ANGPT1: variants seen among roughly 807,000 people sequenced by gnomAD.
ANGPT1 encodes the protein angiopoietin 1.
Under a neutral mutation model 62.2 loss-of-function variants are expected in ANGPT1, and 17 were observed. The ratio of observed to expected loss-of-function variants is 0.27; its 90% confidence interval spans 0.19 to 0.41. ANGPT1 has a LOEUF of 0.41. Among genes scored for constraint, ANGPT1 ranks in the 10% least tolerant of loss-of-function variants. The pLI, the probability that ANGPT1 is intolerant of heterozygous loss-of-function variation, is 1.00. For missense variants in ANGPT1, 478 were observed against 594.9 expected, an observed-to-expected ratio of 0.80 and a Z score of 2.04; for synonymous variants, 199 against 198.9, an observed-to-expected ratio of 1.00 and a Z score of 0.00.
intron 5 of ANGPT1, among the ~76,000 whole-genome samples, chr8:107,301,182 C>T (rs1185055386): frequency 1.3e-5 from 2 of 151,910 alleles, no homozygotes; most frequent in African/African-American, 2.4e-5. Flanking sequence ...TGTGAATATT[C>T]TTGATCTGAA....
intron 1 of ANGPT1, among the ~76,000 whole-genome samples, chr8:107,406,594 A>G (rs1467184415): frequency 6.6e-6 from 1 of 152,066 alleles, no homozygotes; most frequent in East Asian, 1.9e-4. Context: ...TGAATAAAAT[A>G]TAAGTATGTA....
chr8:107,398,021 G>A (rs1404269784), intron 1 of ANGPT1, among the ~76,000 whole-genome samples: 1 of 152,166 alleles, frequency 6.6e-6, no homozygotes, highest in Non-Finnish European at 1.5e-5. Flanking sequence ...GTATCATGAT[G>A]CAGACAGATT....
intron 1 of ANGPT1, among the ~76,000 whole-genome samples, chr8:107,405,409 C>T (rs1258542679): frequency 2.0e-5 from 3 of 151,916 alleles, no homozygotes; most frequent in Admixed American, 2.0e-4. Context: ...TGAAATGCTT[C>T]AAAATCTGAA....
chr8:107,305,606 T>C (rs1563560174), intron 4 of ANGPT1, among the ~76,000 whole-genome samples: 1 of 152,026 alleles, frequency 6.6e-6, no homozygotes, highest in Non-Finnish European at 1.5e-5. Context: ...ATACAAATTC[T>C]ATACTTGGGA....
At chr8:107,447,488 G>A (rs1811652305) in intron 1 of ANGPT1, among the ~76,000 whole-genome samples, 1 of 152,192 alleles carries the variant, frequency 6.6e-6, no homozygotes, top group Admixed American at 6.5e-5. Context: ...GGAATGGGTG[G>A]AAATGATCTT....
chr8:107,289,574 A>G (rs929197441), intron 6 of ANGPT1, among the ~76,000 whole-genome samples: 5 of 152,186 alleles, frequency 3.3e-5, no homozygotes, highest in Non-Finnish European at 7.4e-5. Context: ...TGAGACGTGC[A>G]ACTCAAGAAA....
chr8:107,365,727 A>G (rs1816258633), intron 1 of ANGPT1, among the ~76,000 whole-genome samples: 1 of 152,168 alleles, frequency 6.6e-6, no homozygotes, highest in Middle Eastern at 3.2e-3. Context: ...CTAGAAGAGA[A>G]TAAGATTGGT....
At chr8:107,481,793 A>G (rs867174935) in intron 1 of ANGPT1, among the ~76,000 whole-genome samples, 1 of 152,112 alleles carries the variant, frequency 6.6e-6, no homozygotes, top group Non-Finnish European at 1.5e-5. Flanking sequence ...TAAAACCATC[A>G]GATTCCGTGA....
At chr8:107,421,935 C>A (rs763095526) in intron 1 of ANGPT1, among the ~76,000 whole-genome samples, 2 of 152,072 alleles carry the variant, frequency 1.3e-5, no homozygotes, top group Non-Finnish European at 2.9e-5. Flanking sequence ...GTAATGACTT[C>A]TATTCATTGT....
intron 1 of ANGPT1, among the ~76,000 whole-genome samples, chr8:107,429,940 G>A (rs1811137799): frequency 8.4e-6 from 1 of 119,758 alleles, no homozygotes; most frequent in Admixed American, 8.8e-5. Context: ...GTCAATAAAT[G>A]GGTAACATTT....
chr8:107,346,180 G>A (rs1815800212), intron 2 of ANGPT1, among the ~76,000 whole-genome samples: 1 of 152,116 alleles, frequency 6.6e-6, no homozygotes, highest in South Asian at 2.1e-4. Flanking sequence ...AAATCATGTT[G>A]CACCTTATTT....
intron 4 of ANGPT1, among the ~76,000 whole-genome samples, chr8:107,311,262 T>C (rs956470661): frequency 6.7e-6 from 1 of 149,962 alleles, no homozygotes; most frequent in African/African-American, 2.5e-5. Context: ...GGGGGCATGC[T>C]ATATACTTTT....
chr8:107,403,374 G>A (rs913593495), intron 1 of ANGPT1, among the ~76,000 whole-genome samples: 2 of 152,074 alleles, frequency 1.3e-5, no homozygotes, highest in Admixed American at 6.6e-5. Context: ...AACTGAGAAC[G>A]TGAATAACTG....
chr8:107,471,917 T>A (rs1374731355), intron 1 of ANGPT1, among the ~76,000 whole-genome samples: 1 of 152,090 alleles, frequency 6.6e-6, no homozygotes. Flanking sequence ...ATTTATTAAC[T>A]AATAGCTATA....
At chr8:107,292,986 T>C (rs1271656867) in intron 6 of ANGPT1, among the ~76,000 whole-genome samples, 1 of 152,192 alleles carries the variant, frequency 6.6e-6, no homozygotes, top group Non-Finnish European at 1.5e-5. Context: ...TTCTCCTGCA[T>C]TACTATGCCT....
intron 1 of ANGPT1, among the ~76,000 whole-genome samples, chr8:107,404,873 G>C (rs964665218): frequency 1.3e-5 from 2 of 152,064 alleles, no homozygotes; most frequent in Non-Finnish European, 2.9e-5. Context: ...AGCAAACGTG[G>C]AGGGAAATCA....
chr8:107,407,508 T>C (rs1817173934), intron 1 of ANGPT1, among the ~76,000 whole-genome samples: 1 of 152,172 alleles, frequency 6.6e-6, no homozygotes, highest in Non-Finnish European at 1.5e-5. Flanking sequence ...CTTTAGTGTC[T>C]TGAGAATCTG....
intron 1 of ANGPT1, among the ~76,000 whole-genome samples, chr8:107,369,421 C>T (rs138615122): frequency 6.6e-6 from 1 of 152,038 alleles, no homozygotes; most frequent in African/African-American, 2.4e-5. Flanking sequence ...TAGTAATAAG[C>T]CTATTTTGTT....
chr8:107,387,617 GATTGTGAATAATTGACACTAAC>G (rs143925912), intron 1 of ANGPT1, among the ~76,000 whole-genome samples: 21,135 of 151,720 alleles, frequency 0.14, 1,749 homozygotes, highest in South Asian at 0.2. Context: ...TTTTGCTCAA[GATTGTGAATAATTGACACTAAC>G]ATTGATTATT....
Sources: allele counts gnomAD v4.1 joint callset (sites outside exome capture counted in the v4.1 genomes callset), GRCh38; gene constraint gnomAD v4.1.1; transcripts MANE v1.5; gene names NCBI Gene and HGNC (gene_info 2026-07-23, HGNC 2026-07-21).